TTC29: variants seen among roughly 807,000 people sequenced by gnomAD.
TTC29 encodes tetratricopeptide repeat protein 29.
Under a neutral mutation model 58.1 loss-of-function variants are expected in TTC29, and 49 were observed. That is an observed-to-expected ratio of 0.84 (90% confidence interval 0.67 to 1.07). TTC29 has a LOEUF of 1.07. Ranked by LOEUF, TTC29 falls within the 50% of genes least tolerant of loss-of-function variation. The pLI is 0.00. For missense variants in TTC29, 582 were observed against 555.6 expected, an observed-to-expected ratio of 1.05 and a Z score of -0.48; for synonymous variants, 209 against 196.8, an observed-to-expected ratio of 1.06 and a Z score of -0.52.
At chr4:146,730,739 A>C (rs1278976464) in intron 11 of TTC29, among the ~76,000 whole-genome samples, 1 of 152,192 alleles carries the variant, frequency 6.6e-6, no homozygotes, top group Non-Finnish European at 1.5e-5. Flanking sequence ...CTGAGAAATG[A>C]CTATTGTGTT....
At chr4:146,901,999 T>C (rs543638941) in intron 6 of TTC29, among the ~76,000 whole-genome samples, 1 of 152,200 alleles carries the variant, frequency 6.6e-6, no homozygotes, top group African/African-American at 2.4e-5. Flanking sequence ...CAGAACTCTG[T>C]TGCATGGATG....
At chr4:146,927,618 A>G (rs1319844352) in intron 4 of TTC29, among the ~76,000 whole-genome samples, 1 of 152,112 alleles carries the variant, frequency 6.6e-6, no homozygotes, top group Admixed American at 6.6e-5. Flanking sequence ...TATAGAACAT[A>G]CTATAGTATG....
chr4:146,778,998 A>G (rs112522207), intron 11 of TTC29, among the ~76,000 whole-genome samples: 17 of 119,432 alleles, frequency 1.4e-4, no homozygotes, highest in South Asian at 8.2e-4. Flanking sequence ...AAAAAAAAAA[A>G]AAAAAGAAAA....
At chr4:146,809,887 A>G (rs924952506) in intron 10 of TTC29, among the ~76,000 whole-genome samples, 2 of 139,862 alleles carry the variant, frequency 1.4e-5, no homozygotes, top group Non-Finnish European at 3.1e-5. Flanking sequence ...CAGAAATACC[A>G]TTTGACCCAG....
At chr4:146,899,121 C>A (rs1227480396) in intron 6 of TTC29, among the ~76,000 whole-genome samples, 1 of 152,200 alleles carries the variant, frequency 6.6e-6, no homozygotes. Flanking sequence ...GCTTGGACCC[C>A]AGTCCCTCAT....
rs1426875210 is a variant in TTC29 at position 146,765,955 on chromosome 4, A to G, written c.1330+37502T>C. On this transcript the variant is annotated intron_variant, in intron 11 of 12. Coordinates refer to ENST00000325106, the MANE Select transcript of TTC29 (RefSeq NM_031956.4). ...TGGCCTCTGCCATAAACACATATGC[A>G]GGTCAGGTAGCTGGATTCTCAAGGA... 2.0e-5 allele frequency among the ~76,000 whole-genome samples: 3 copies of G among 152,122 alleles called. No individual in the cohort carries two copies. The East Asian group carries it at 5.8e-4, about 29-fold the overall frequency.
intron 11 of TTC29, among the ~76,000 whole-genome samples, chr4:146,790,414 C>T (rs1749354764): frequency 6.6e-6 from 1 of 152,060 alleles, no homozygotes; most frequent in Non-Finnish European, 1.5e-5. Context: ...GTCTTGATCT[C>T]CTGACCTTGT....
intron 11 of TTC29, among the ~76,000 whole-genome samples, chr4:146,763,002 AT>A (rs963420745): frequency 1.3e-5 from 2 of 151,956 alleles, no homozygotes; most frequent in Non-Finnish European, 2.9e-5. Context: ...ATAGCAGTCA[AT>A]TCCTTTGCAT....
chr4:146,776,548 G>A (rs1748110514), intron 11 of TTC29, among the ~76,000 whole-genome samples: 1 of 152,078 alleles, frequency 6.6e-6, no homozygotes, highest in Admixed American at 6.5e-5. Flanking sequence ...GAGGGCCAAG[G>A]TTTAGCTCAG....
At chr4:146,799,943 C>T (rs1375847695) in intron 11 of TTC29, among the ~76,000 whole-genome samples, 1 of 152,132 alleles carries the variant, frequency 6.6e-6, no homozygotes, top group Non-Finnish European at 1.5e-5. Context: ...GAGATAATAG[C>T]TCTAGTAAGG....
chr4:146,796,107 AT>A (rs1378872935), intron 11 of TTC29, among the ~76,000 whole-genome samples: 1 of 152,174 alleles, frequency 6.6e-6, no homozygotes, highest in Non-Finnish European at 1.5e-5. Flanking sequence ...ACCCAGCTAC[AT>A]TTTTCTTACA....
intron 4 of TTC29, among the ~76,000 whole-genome samples, chr4:146,929,243 T>C (rs556239414): frequency 1.4e-4 from 21 of 152,350 alleles, no homozygotes; most frequent in Middle Eastern, 3.4e-3. Context: ...CCCTGCCATA[T>C]GAAACAGAGT....
intron 9 of TTC29, among the ~76,000 whole-genome samples, chr4:146,824,165 T>A (rs983296998): frequency 2.0e-5 from 3 of 152,206 alleles, no homozygotes; most frequent in Non-Finnish European, 2.9e-5. Context: ...AAAGAAGGTA[T>A]CCTTGTCTTG....
intron 4 of TTC29, among the ~76,000 whole-genome samples, chr4:146,909,480 T>C (rs1220468329): frequency 6.6e-6 from 1 of 152,168 alleles, no homozygotes; most frequent in African/African-American, 2.4e-5. Context: ...AATTACATTA[T>C]AAACATATCA....
At chr4:146,853,868 A>T (rs757988048) in intron 8 of TTC29, among the ~76,000 whole-genome samples, 10 of 152,054 alleles carry the variant, frequency 6.6e-5, no homozygotes, top group South Asian at 2.1e-4. Flanking sequence ...TCTGTCAGTG[A>T]CTTGCACTGA....
chr4:146,920,454 A>G (rs961465102), intron 4 of TTC29, among the ~76,000 whole-genome samples: 15 of 151,158 alleles, frequency 9.9e-5, no homozygotes, highest in African/African-American at 3.4e-4. Context: ...CGTTTAAAAT[A>G]CAAAGGGAAA....
At chr4:146,804,398 C>G (rs1400127316) in intron 10 of TTC29, among the ~76,000 whole-genome samples, 11 of 152,118 alleles carry the variant, frequency 7.2e-5, no homozygotes, top group Admixed American at 7.2e-4. Context: ...ATTCACTCCC[C>G]TGGAAAGGAG....
chr4:146,730,276 G>A (rs1339372277), intron 11 of TTC29, among the ~76,000 whole-genome samples: 1 of 152,114 alleles, frequency 6.6e-6, no homozygotes, highest in East Asian at 1.9e-4. Context: ...GGAGGCAGCT[G>A]GAGGGCATTA....
At chr4:146,845,439 G>T (rs1346014299) in intron 8 of TTC29, among the ~76,000 whole-genome samples, 1 of 152,058 alleles carries the variant, frequency 6.6e-6, no homozygotes, top group Non-Finnish European at 1.5e-5. Flanking sequence ...ACTTCACTTG[G>T]TTATATTTCT....
Sources: allele counts gnomAD v4.1 joint callset (sites outside exome capture counted in the v4.1 genomes callset), GRCh38; gene constraint gnomAD v4.1.1; transcripts MANE v1.5; gene names NCBI Gene and HGNC (gene_info 2026-07-23, HGNC 2026-07-21).